DOK6: variants seen among roughly 807,000 people sequenced by gnomAD.
DOK6 encodes the protein docking protein 6, also known as downstream of tyrosine kinase 6.
DOK6 carries 22 observed loss-of-function variants against 44.0 expected under a neutral mutation model. That is an observed-to-expected ratio of 0.50 (90% CI 0.36 to 0.71). DOK6 has a LOEUF of 0.71. DOK6 is among the 30% of genes least tolerant of loss of function. The pLI is 0.00. For missense variants in DOK6, 340 were observed against 416.4 expected, an observed-to-expected ratio of 0.82 and a Z score of 1.60; for synonymous variants, 166 against 145.5, an observed-to-expected ratio of 1.14 and a Z score of -1.01.
chr18:69,612,854 A>G (rs183205696), intron 3 of DOK6, among the ~76,000 whole-genome samples: 40 of 151,596 alleles, frequency 2.6e-4, no homozygotes, highest in Non-Finnish European at 4.6e-4. Context: ...TTGGATAATT[A>G]TTTTTTTCTT....
Position 69,828,510 on chromosome 18 carries a change from CAAAT to C in DOK6, c.857-12733_857-12730del, listed in dbSNP as rs146693171. On this transcript the variant is annotated intron_variant, in intron 7 of 7. Coordinates refer to ENST00000382713, the MANE Select transcript of DOK6 (RefSeq NM_152721.6). ...AGAAATTAAATGCAAGCAACAGAAA[CAAAT>C]GAATGCTACATTGACTAAAATAAGA... Among the ~76,000 whole-genome samples, 484 of 151,668 alleles carry C rather than the reference CAAAT, an allele frequency of 3.2e-3. 3 individuals are homozygous for C. Among genetic ancestry groups the C allele is most frequent in the African/African-American group, 0.01 (432 of 41,478 alleles).
chr18:69,604,056 A>C (rs1387564606), intron 3 of DOK6, among the ~76,000 whole-genome samples: 1 of 152,178 alleles, frequency 6.6e-6, no homozygotes, highest in African/African-American at 2.4e-5. Flanking sequence ...TCAATAAATC[A>C]CAGTGATAAT....
intron 5 of DOK6, among the ~76,000 whole-genome samples, chr18:69,699,610 G>A (rs2144704110): frequency 6.6e-6 from 1 of 152,214 alleles, no homozygotes; most frequent in Admixed American, 6.5e-5. Context: ...GTAGTTATGA[G>A]CTTGTTCAAC....
intron 7 of DOK6, among the ~76,000 whole-genome samples, chr18:69,774,837 G>A (rs1019939429): frequency 2.0e-5 from 3 of 151,940 alleles, no homozygotes; most frequent in Non-Finnish European, 2.9e-5. Flanking sequence ...TAGACAAATG[G>A]TATGACTTGT....
chr18:69,833,950 G>A (rs527806612), intron 7 of DOK6, among the ~76,000 whole-genome samples: 1 of 152,284 alleles, frequency 6.6e-6, no homozygotes, highest in South Asian at 2.1e-4. Flanking sequence ...CTCAAGTGTT[G>A]TGGGAATATT....
intron 2 of DOK6, among the ~76,000 whole-genome samples, chr18:69,593,782 T>C (rs1055408094): frequency 2.0e-5 from 3 of 152,194 alleles, no homozygotes; most frequent in African/African-American, 7.2e-5. Flanking sequence ...GTAAAAACCT[T>C]TGGAAAAGGT....
chr18:69,700,310 C>T (rs918964178), intron 5 of DOK6, among the ~76,000 whole-genome samples: 3 of 149,998 alleles, frequency 2.0e-5, no homozygotes, highest in Admixed American at 2.0e-4. Context: ...CCAGCACTAC[C>T]TCCAGGATCC....
chr18:69,780,351 G>C (rs1359193578), intron 7 of DOK6, among the ~76,000 whole-genome samples: 3 of 152,168 alleles, frequency 2.0e-5, no homozygotes, highest in Non-Finnish European at 4.4e-5. Context: ...CAGCACTTTG[G>C]GAGGTTGAGG....
chr18:69,701,151 G>T (rs1489645177), intron 5 of DOK6, among the ~76,000 whole-genome samples: 2 of 152,320 alleles, frequency 1.3e-5, no homozygotes, highest in East Asian at 3.9e-4. Flanking sequence ...TTCTGGAGAA[G>T]CATCCTTCAG....
At chr18:69,481,180 G>C (rs1337727795) in intron 1 of DOK6, among the ~76,000 whole-genome samples, 2 of 152,044 alleles carry the variant, frequency 1.3e-5, no homozygotes, top group South Asian at 2.1e-4. Flanking sequence ...TGAGAGTGGA[G>C]AGGAGCTGAG....
intron 1 of DOK6, among the ~76,000 whole-genome samples, chr18:69,533,916 G>GAGAT (rs576527062): frequency 6.2e-4 from 95 of 152,102 alleles, no homozygotes; most frequent in African/African-American, 1.7e-3. Flanking sequence ...TCTTTAGATA[G>GAGAT]AGATAGATAG....
chr18:69,741,181 G>T (rs1978786999), intron 6 of DOK6, among the ~76,000 whole-genome samples: 1 of 152,162 alleles, frequency 6.6e-6, no homozygotes, highest in Admixed American at 6.5e-5. Flanking sequence ...GCTCAGCAAG[G>T]CTCAACAGAG....
chr18:69,676,979 AG>A lies in DOK6; in HGVS notation c.290-754del, dbSNP rs1416234928. On this transcript the variant is annotated intron_variant, in intron 3 of 7. Transcript: ENST00000382713. ...TTGGGAGGTAATCATAGAAAAAAAA[AG>A]CAATGATCTAATCAACGTCTTAGGT... 2.6e-5 allele frequency among the ~76,000 whole-genome samples: 4 copies of A among 152,220 alleles called. No individual in the cohort carries two copies. In the East Asian group the frequency reaches 7.7e-4, roughly 29 times the overall value.
intron 7 of DOK6, among the ~76,000 whole-genome samples, chr18:69,838,812 T>TCCCTAGCTGCTCCCCTAACTCCTC (rs1214925724): frequency 1.1e-4 from 16 of 141,832 alleles, no homozygotes; most frequent in Non-Finnish European, 3.1e-5. Context: ...CCTAATCCCT[T>TCCCTAGCTGCTCCCCTAACTCCTC]CCCTAGCTGC....
At chr18:69,829,980 CT>C (rs1186542920) in intron 7 of DOK6, among the ~76,000 whole-genome samples, 1 of 152,020 alleles carries the variant, frequency 6.6e-6, no homozygotes, top group Non-Finnish European at 1.5e-5. Context: ...TAAATTAAAA[CT>C]AATTTTTTTG....
At chr18:69,641,427 T>C (rs187253894) in intron 3 of DOK6, among the ~76,000 whole-genome samples, 1 of 152,322 alleles carries the variant, frequency 6.6e-6, no homozygotes, top group Admixed American at 6.5e-5. Flanking sequence ...TAATTAATGT[T>C]ATTGGAAAAA....
At chr18:69,777,729 A>G (rs2144772565) in intron 7 of DOK6, among the ~76,000 whole-genome samples, 1 of 148,806 alleles carries the variant, frequency 6.7e-6, no homozygotes, top group South Asian at 2.2e-4. Context: ...TTAGGTCTAG[A>G]CAGGACTGTC....
At chr18:69,426,580 G>T (rs909281938) in intron 1 of DOK6, among the ~76,000 whole-genome samples, 8 of 152,096 alleles carry the variant, frequency 5.3e-5, no homozygotes, top group African/African-American at 1.9e-4. Context: ...TAGATCATGA[G>T]TATGCCATTA....
intron 3 of DOK6, among the ~76,000 whole-genome samples, chr18:69,670,743 C>T (rs1490010549): frequency 2.6e-5 from 4 of 151,990 alleles, no homozygotes; most frequent in South Asian, 2.1e-4. Flanking sequence ...CTCTTGACCT[C>T]GTGATCCTCC....
Sources: gnomAD v4.1 joint callset for allele counts (sites outside exome capture counted in the v4.1 genomes callset) on GRCh38, gnomAD v4.1.1 for gene constraint, MANE v1.5 for transcripts, NCBI Gene and HGNC (gene_info 2026-07-23, HGNC 2026-07-21) for gene names.